The following MPRIP variants were observed in gnomAD, a reference collection of about 807,000 sequenced individuals.
MPRIP encodes myosin phosphatase Rho-interacting protein.
In MPRIP, 59 loss-of-function variants were observed where a neutral mutation model predicts 234.9. The observed-to-expected ratio is 0.25, with a 90% confidence interval of 0.20 to 0.31. The LOEUF (loss-of-function observed/expected upper bound fraction) is 0.31, where lower values mean the gene tolerates loss of function less well. Among genes scored for constraint, MPRIP ranks in the 10% least tolerant of loss-of-function variants. The probability of loss-of-function intolerance (pLI) is 1.00; values close to 1 mark genes in which losing one functional copy is unlikely to be tolerated. For missense variants in MPRIP, 2,436 were observed against 3,071.0 expected (o/e 0.79, Z 4.89); for synonymous variants, 1,144 against 1,263.9 (o/e 0.91, Z 2.01).
intron 4 of MPRIP, among the ~76,000 whole-genome samples, chr17:17,127,900 G>A (rs1180800216): frequency 1.3e-5 from 2 of 152,250 alleles, no homozygotes; most frequent in Non-Finnish European, 2.9e-5. Context: ...CCAGGAGCCA[G>A]TGCTGGGTCC....
At chr17:17,096,676 C>T (rs1259072349) in intron 3 of MPRIP, 1 of 457,466 alleles carries the variant, frequency 2.2e-6, no homozygotes, top group Non-Finnish European at 4.6e-6. Context: ...CTCCGGCTGC[C>T]TTGAGCAATA....
intron 3 of MPRIP, among the ~76,000 whole-genome samples, chr17:17,087,850 G>T (rs372224830): frequency 6.6e-6 from 1 of 152,196 alleles, no homozygotes; most frequent in Admixed American, 6.5e-5. Context: ...ATCTCAGGCC[G>T]CACTGAGAGG....
rs376835358 is a variant in MPRIP, at chr17:17,131,674, A to G, written c.477A>G (p.Lys159=). 1.9e-6 allele frequency: 3 copies of G among 1,614,008 alleles called. No individual in the cohort carries two copies. Among genetic ancestry groups the G allele is most frequent in the Non-Finnish European group, 2.5e-6 (3 of 1,180,016 alleles). Residue 159 remains lysine, a synonymous_variant, in exon 5 of 24, where the codon AAA becomes AAG. Coordinates refer to ENST00000651222, the MANE Select transcript of MPRIP (RefSeq NM_001364716.4). ...CCAACAAGCAGAATCAGAAGAAGAA[A>G]CGGAAAGTGGAGCCCCCCACACCAC... is the stretch of plus-strand genomic sequence containing the variant. ...PRTNKQNQKK[K]RKVEPPTPQE...
Position 17,165,525 on chromosome 17 carries a change from C to G in MPRIP, c.3934C>G (p.Gln1312Glu). The G allele has an allele frequency of 7.7e-7, 1 of 1,304,442 alleles. No individual in the cohort carries two copies. Among genetic ancestry groups the G allele is most frequent in the Non-Finnish European group, 1.0e-6 (1 of 988,978 alleles). 80.8% of individuals were successfully genotyped at this position (1,304,442 alleles called of 1,614,324 possible). Residue 1312 changes from glutamine to glutamate, a missense_variant, in exon 16 of 24, where the codon CAA becomes GAA. Physicochemically the swap from Gln to Glu is conservative, Grantham distance 29. This residue lies in a region of MPRIP where 1,998 missense variants were observed against 2,520.3 expected (regional missense o/e 0.79). Coordinates refer to ENST00000651222, the MANE Select transcript of MPRIP (RefSeq NM_001364716.4). ...GHQQGTAKLD[Q>E]GAPGVKRQRI... ...TCAGCAGGGCACAGCCAAACTCGAC[C>G]AAGGGGCACCTGGTGTTAAAAGGCA...
At chr17:17,067,996 G>A (rs2089091465) in intron 1 of MPRIP, among the ~76,000 whole-genome samples, 1 of 151,794 alleles carries the variant, frequency 6.6e-6, no homozygotes, top group South Asian at 2.1e-4. Flanking sequence ...CCTATATGTT[G>A]TCAAATTAGT....
intron 4 of MPRIP, among the ~76,000 whole-genome samples, chr17:17,128,739 C>T (rs752858648): frequency 1.4e-4 from 22 of 152,338 alleles, no homozygotes; most frequent in Non-Finnish European, 2.1e-4. Flanking sequence ...CACCTTCCCA[C>T]AAGCTGGGAT....
intron 3 of MPRIP, 82 bp from the exon 4 acceptor site, chr17:17,126,620 G>C (rs2090494744): frequency 6.8e-7 from 1 of 1,462,898 alleles, no homozygotes. Flanking sequence ...CAGGCTGGGA[G>C]GGTCAGGAAT....
chr17:17,044,076 G>C (rs1286308050), intron 1 of MPRIP, among the ~76,000 whole-genome samples: 1 of 152,182 alleles, frequency 6.6e-6, no homozygotes, highest in Non-Finnish European at 1.5e-5. Context: ...GGAGTAGGGT[G>C]GTGGGGCAGG....
intron 7 of MPRIP, 125 bp from the exon 8 acceptor site, chr17:17,142,502 C>T (rs2045349489): frequency 8.6e-7 from 1 of 1,159,380 alleles, no homozygotes; most frequent in Non-Finnish European, 1.2e-6. Context: ...GTCTAGACAA[C>T]CTCGGTGCTG....
chr17:17,069,584 G>T (rs1213653953), intron 1 of MPRIP, among the ~76,000 whole-genome samples: 3 of 144,458 alleles, frequency 2.1e-5, no homozygotes, highest in Non-Finnish European at 4.6e-5. Flanking sequence ...GTATCTCTTT[G>T]TATATATTTT....
chr17:17,083,724 T>G (rs1378456543), intron 3 of MPRIP, among the ~76,000 whole-genome samples: 2 of 152,070 alleles, frequency 1.3e-5, no homozygotes, highest in African/African-American at 4.8e-5. Flanking sequence ...TGTGTGTTTT[T>G]TTGTTGTTGT....
chr17:17,141,346 C>T (rs1215483981), intron 7 of MPRIP: 1 of 152,344 alleles, frequency 6.6e-6, no homozygotes, highest in Non-Finnish European at 1.5e-5. Flanking sequence ...CCTTAGCTTC[C>T]TGCTCTCACA....
At chr17:17,131,494 C>G (rs368062967) in intron 4 of MPRIP, 123 bp from the exon 5 acceptor site, 8 of 751,216 alleles carry the variant, frequency 1.1e-5, no homozygotes, top group East Asian at 2.6e-5. Context: ...CTGGCCCCAG[C>G]GTAGCAGTCT....
Position 17,138,138 on chromosome 17 carries a change from G to A in MPRIP, c.959G>A (p.Arg320Gln), listed in dbSNP as rs779345408. 132 of 1,409,844 alleles carry A rather than the reference G, an allele frequency of 9.4e-5. No homozygotes were observed. In the Admixed American group the frequency reaches 1.3e-3, roughly 13 times the overall value. 87.3% of individuals were successfully genotyped at this position (1,409,844 alleles called of 1,614,324 possible). A position where few individuals can be genotyped will look rare whatever the true frequency, so the allele number is the denominator to read the frequency against. The change falls in exon 7 of 24, where the codon CGA becomes CAA. Residue 320 changes from arginine (R) to glutamine (Q), a missense_variant. This residue lies in a region of MPRIP where 267 missense variants were observed against 252.7 expected (regional missense o/e 1.06). Coordinates refer to ENST00000651222, the MANE Select transcript of MPRIP (RefSeq NM_001364716.4). The surrounding 1 kb of genome is among the most constrained non-coding windows in gnomAD (Gnocchi z 5.8). ...GGTCCTCTTCCTTCCCCAGGTCCTC[G>A]ACTCCCCCACCAAATGGTCTGCAGC... ...LGGPLPSPGP[R>Q]LPHQMVCSIS...
At position 17,126,773 on chromosome 17, in the gene MPRIP, G is replaced by T; in HGVS notation, c.339G>T (p.Thr113=). Residue 113 remains threonine, a synonymous_variant, in exon 4 of 24, where the codon ACG becomes ACT. Coordinates refer to ENST00000651222, the MANE Select transcript of MPRIP (RefSeq NM_001364716.4). ...CTDVVDGEGR[T]GQKFSLCILT... is the part of the protein sequence containing the mutation. The stretch of plus-strand genomic sequence containing the variant: ...ATGTGGTGGATGGGGAGGGCCGCAC[G>T]GGCCAGAAGTTCTCCCTGTGTATTC... 2.5e-6 allele frequency: 4 copies of T among 1,614,184 alleles called. No homozygotes were observed. In the South Asian group the frequency reaches 4.4e-5, roughly 18 times the overall value.
chr17:17,168,816 C>A (rs1243792635), intron 16 of MPRIP: 1 of 456,032 alleles, frequency 2.2e-6, no homozygotes, highest in African/African-American at 2.0e-5. Context: ...GTGCCTTCCA[C>A]GCTCATGTGG....
At chr17:17,112,772 C>T (rs867150878) in intron 3 of MPRIP, among the ~76,000 whole-genome samples, 8 of 152,220 alleles carry the variant, frequency 5.3e-5, no homozygotes, top group Admixed American at 3.9e-4. Context: ...TCAGCGCAGC[C>T]GGTGGCGTTG....
Position 17,188,620 on chromosome 17 carries a change from T to C in MPRIP, c.*3726T>C, listed in dbSNP as rs943600711. On this transcript the variant is annotated 3_prime_UTR_variant, in exon 24 of 24. Transcript: ENST00000651222. ...ACAAAACTGATGGCTTGAAAAACAT[T>C]TTTATGGAATGTATTTACTATCATT... is the stretch of plus-strand genomic sequence containing the variant. The C allele has an allele frequency of 3.9e-5, 6 of 152,240 alleles. No individual in the cohort carries two copies. Among genetic ancestry groups the C allele is most frequent in the Non-Finnish European group, 8.8e-5 (6 of 68,056 alleles). The allele number at this position is 152,240 out of a possible 1,614,324, so 9.4% of individuals were successfully genotyped here.
chr17:17,110,965 G>A (rs1347325702), intron 3 of MPRIP, among the ~76,000 whole-genome samples: 1 of 152,076 alleles, frequency 6.6e-6, no homozygotes, highest in African/African-American at 2.4e-5. Context: ...GCTGAATGAG[G>A]TGTGAGCTTT....
Sources: allele counts gnomAD v4.1 joint callset (sites outside exome capture counted in the v4.1 genomes callset), GRCh38; gene constraint gnomAD v4.1.1; regional missense constraint gnomAD v4.1.1; non-coding constraint Gnocchi (gnomAD v3.1); transcripts MANE v1.5; gene names NCBI Gene and HGNC (gene_info 2026-07-23, HGNC 2026-07-21).